Variants in SLC44A5 observed in about 807,000 individuals in gnomAD.
SLC44A5 encodes the protein choline transporter-like protein 5.
In SLC44A5, 57 loss-of-function variants were observed where a neutral mutation model predicts 101.8. The observed-to-expected ratio is 0.56, with a 90% CI of 0.45 to 0.70. The LOEUF is 0.70. Among genes scored for constraint, SLC44A5 ranks in the 30% least tolerant of loss-of-function variants. The pLI, the probability that SLC44A5 is intolerant of heterozygous loss-of-function variation, is 0.00. For missense variants in SLC44A5, 737 were observed against 853.1 expected, an observed-to-expected ratio of 0.86 and a Z score of 1.70; for synonymous variants, 281 against 290.9, an observed-to-expected ratio of 0.97 and a Z score of 0.35.
At chr1:75,569,449 C>A (rs1207167282) in intron 1 of SLC44A5, among the ~76,000 whole-genome samples, 1 of 151,958 alleles carries the variant, frequency 6.6e-6, no homozygotes, top group African/African-American at 2.4e-5. Flanking sequence ...ACCTCGTTGC[C>A]CAGGCTGGTC....
chr1:75,373,303 C>T (rs76814371), intron 3 of SLC44A5, among the ~76,000 whole-genome samples: 2,268 of 152,110 alleles, frequency 0.015, 58 homozygotes, highest in African/African-American at 0.052. Flanking sequence ...ATGGAGTCAC[C>T]GAGCACCAAG....
chr1:75,553,446 A>G (rs1672050349), intron 1 of SLC44A5, among the ~76,000 whole-genome samples: 1 of 152,230 alleles, frequency 6.6e-6, no homozygotes. Context: ...TTGAAAAATT[A>G]CTGGTCTGAG....
At chr1:75,574,737 G>C (rs1420652223) in intron 1 of SLC44A5, among the ~76,000 whole-genome samples, 1 of 152,156 alleles carries the variant, frequency 6.6e-6, no homozygotes, top group Non-Finnish European at 1.5e-5. Context: ...CCAGTCATTA[G>C]AAGTATTAAG....
chr1:75,242,287 A>G (rs185494524), intron 8 of SLC44A5, among the ~76,000 whole-genome samples: 3 of 152,164 alleles, frequency 2.0e-5, no homozygotes, highest in Admixed American at 2.0e-4. Flanking sequence ...AAACCAGATC[A>G]TCTGAAAACA....
chr1:75,608,589 A>G (rs1675464704), intron 1 of SLC44A5, among the ~76,000 whole-genome samples: 1 of 152,012 alleles, frequency 6.6e-6, no homozygotes, highest in African/African-American at 2.4e-5. Flanking sequence ...AAAGTCTTAA[A>G]ACTTTCTAAA....
chr1:75,302,104 GT>G (rs1204998592), intron 4 of SLC44A5, among the ~76,000 whole-genome samples: 1 of 49,590 alleles, frequency 2.0e-5, no homozygotes. Flanking sequence ...AGGTGCTCTA[GT>G]TTTTTTGTTT....
chr1:75,300,629 A>G lies in SLC44A5; in HGVS notation c.158T>C (p.Ile53Thr), dbSNP rs777699497. The stretch of plus-strand genomic sequence containing the variant: ...TTACTCACCCACAAGTCCTAAAACA[A>G]TGTAGCCAATAATACACAGTAGGAA... ...MIFLLCIIGY[I>T]VLGLVAWVHG... The change falls in exon 5 of 24, where the codon ATT becomes ACT. Residue 53 changes from isoleucine to threonine, a missense_variant. This residue lies in a region of SLC44A5 where 665 missense variants were observed against 764.4 expected (regional missense o/e 0.87). Coordinates refer to ENST00000370859, the MANE Select transcript of SLC44A5 (RefSeq NM_001130058.2). The G allele has an allele frequency of 3.7e-6, 6 of 1,604,762 alleles. No individual in the cohort carries two copies. The highest frequency in any genetic ancestry group is 5.1e-6 in the Non-Finnish European group (6 of 1,175,402).
the SLC44A5 span, among the ~76,000 whole-genome samples, chr1:75,705,425 G>T: frequency 6.6e-6 from 1 of 152,104 alleles, no homozygotes; most frequent in Admixed American, 6.6e-5. Context: ...GAGGCAGTGT[G>T]GTTGGAGGGT....
intron 3 of SLC44A5, among the ~76,000 whole-genome samples, chr1:75,351,118 AG>A (rs1261531862): frequency 6.6e-6 from 1 of 151,726 alleles, no homozygotes; most frequent in Admixed American, 6.6e-5. Context: ...ATAGCAATAA[AG>A]AGGGTCATTT....
the SLC44A5 span, among the ~76,000 whole-genome samples, chr1:75,634,289 AGGAAT>A: frequency 6.6e-6 from 1 of 152,158 alleles, no homozygotes; most frequent in South Asian, 2.1e-4. Flanking sequence ...TAGTTTCAGA[AGGAAT>A]GGTACCAGTT....
intron 14 of SLC44A5, among the ~76,000 whole-genome samples, chr1:75,222,089 G>A (rs1166896397): frequency 1.3e-5 from 2 of 151,460 alleles, no homozygotes; most frequent in East Asian, 3.9e-4. Context: ...CTCCCAAGTA[G>A]CTGGTTACAG....
chr1:75,540,927 T>A (rs1167140443), intron 2 of SLC44A5, among the ~76,000 whole-genome samples: 4 of 152,186 alleles, frequency 2.6e-5, no homozygotes, highest in Admixed American at 6.5e-5. Flanking sequence ...AAGTTTGAAG[T>A]AAAGCCTCAC....
intron 2 of SLC44A5, among the ~76,000 whole-genome samples, chr1:75,439,185 C>G (rs1310080902): frequency 1.3e-5 from 2 of 151,984 alleles, no homozygotes; most frequent in African/African-American, 4.8e-5. Flanking sequence ...GTTCAGACCC[C>G]TTTACTCTCT....
chr1:75,265,380 C>A (rs1169243820), intron 6 of SLC44A5, among the ~76,000 whole-genome samples: 2 of 152,062 alleles, frequency 1.3e-5, no homozygotes, highest in Non-Finnish European at 2.9e-5. Flanking sequence ...TACTAGCAAA[C>A]TGAAAGCATA....
intron 2 of SLC44A5, among the ~76,000 whole-genome samples, chr1:75,499,198 G>C (rs2101833771): frequency 1.3e-5 from 2 of 152,300 alleles, no homozygotes; most frequent in East Asian, 3.9e-4. Flanking sequence ...TGGCACCGGG[G>C]ACCTGATTTT....
At chr1:75,205,592 C>A (rs138394915) in intron 23 of SLC44A5, 21 of 152,276 alleles carry the variant, frequency 1.4e-4, no homozygotes, top group African/African-American at 4.3e-4. Flanking sequence ...GAGTTCCTAA[C>A]CCACAGTATG....
chr1:75,384,565 G>T (rs1198361395), intron 3 of SLC44A5, among the ~76,000 whole-genome samples: 2 of 93,436 alleles, frequency 2.1e-5, no homozygotes, highest in Non-Finnish European at 4.3e-5. Flanking sequence ...AGCAAGTCCT[G>T]AGTGACCTAC....
At position 75,352,212 on chromosome 1, in the gene SLC44A5, C is replaced by G. The variant is rs570862743; in HGVS notation, c.53-12582G>C. The stretch of plus-strand genomic sequence containing the variant: ...TCTCTTTTTTTTCTTCAACTTTTAT[C>G]TTAAGTTTCAAGGTATATGTGCAGG... On this transcript the variant is annotated intron_variant, in intron 3 of 23. Coordinates refer to ENST00000370859, the MANE Select transcript of SLC44A5 (RefSeq NM_001130058.2). 3.3e-5 allele frequency among the ~76,000 whole-genome samples: 5 copies of G among 151,896 alleles called. No individual in the cohort carries two copies. In the East Asian group the frequency reaches 7.8e-4, roughly 24 times the overall value.
chr1:75,618,271 T>A, the SLC44A5 span, among the ~76,000 whole-genome samples: 2 of 152,254 alleles, frequency 1.3e-5, no homozygotes, highest in African/African-American at 4.8e-5. Context: ...CTTCAAAGTG[T>A]CCTTACATGC....
Sources: allele counts gnomAD v4.1 joint callset (sites outside exome capture counted in the v4.1 genomes callset), GRCh38; gene constraint gnomAD v4.1.1; regional missense constraint gnomAD v4.1.1; transcripts MANE v1.5; gene names NCBI Gene and HGNC (gene_info 2026-07-23, HGNC 2026-07-21).